Variants in DGCR2 observed in about 807,000 individuals in gnomAD.
DGCR2 encodes the protein DiGeorge syndrome critical region gene 2, also known as integral membrane protein DGCR2/IDD.
In DGCR2, 24 loss-of-function variants were observed where a neutral mutation model predicts 51.6. That is an observed-to-expected ratio of 0.47 (90% CI 0.34 to 0.65). The LOEUF (loss-of-function observed/expected upper bound fraction) is 0.65. Ranked by LOEUF, DGCR2 falls within the 30% of genes least tolerant of loss-of-function variation. DGCR2 has a pLI of 0.01. For synonymous variants in DGCR2, 340 were observed against 315.4 expected, an observed-to-expected ratio of 1.08 and a Z score of -0.82; for missense variants, 765 against 772.1, an observed-to-expected ratio of 0.99 and a Z score of 0.11.
At chr22:19,120,626 G>C (rs1254651926) in intron 1 of DGCR2, among the ~76,000 whole-genome samples, 1 of 152,136 alleles carries the variant, frequency 6.6e-6, no homozygotes, top group East Asian at 1.9e-4. Flanking sequence ...GCTGGGCCTG[G>C]AACCAGAGGC....
chr22:19,062,776 C>CTGTCTCTGTCTCTCTGTCTCTCTCTCTG (rs1555903878), intron 5 of DGCR2, among the ~76,000 whole-genome samples: 6 of 123,202 alleles, frequency 4.9e-5, no homozygotes, highest in Non-Finnish European at 8.7e-5. Flanking sequence ...CACATGCATG[C>CTGTCTCTGTCTCTCTGTCTCTCTCTCTG]TCACTCTCTC....
intron 1 of DGCR2, among the ~76,000 whole-genome samples, chr22:19,113,400 A>G (rs2083338609): frequency 6.6e-6 from 1 of 151,924 alleles, no homozygotes; most frequent in Non-Finnish European, 1.5e-5. Flanking sequence ...AAAAAATAAC[A>G]GTATGAACTT....
In DGCR2 at chr22:19,041,152, C is replaced by T. The variant is rs201665590; in HGVS notation, c.1302G>A (p.Thr434=). The stretch of plus-strand genomic sequence containing the variant: ...GGCCGATGTCCGGGTACTTGTATGC[C>T]GTGTAGGGAGGTGGAGGGTCGTGGA... ...FHFHDPPPPY[T]AYKYPDIGQP... is the part of the protein sequence containing the mutation. The change falls in exon 9 of 10, where the codon ACG becomes ACA. Residue 434 remains threonine (T), a synonymous_variant. Coordinates refer to ENST00000263196, the MANE Select transcript of DGCR2 (RefSeq NM_005137.3). 57 of 1,614,028 alleles carry T rather than the reference C, an allele frequency of 3.5e-5. No homozygotes were observed. Among genetic ancestry groups the T allele is most frequent in the Non-Finnish European group, 4.5e-5 (53 of 1,179,962 alleles).
At chr22:19,067,554 G>A (rs900453382) in intron 3 of DGCR2, among the ~76,000 whole-genome samples, 21 of 151,986 alleles carry the variant, frequency 1.4e-4, no homozygotes, top group African/African-American at 3.6e-4. Flanking sequence ...TTAGCCGGGC[G>A]TGATGGCACG....
intron 6 of DGCR2, among the ~76,000 whole-genome samples, chr22:19,050,799 A>T (rs1343675570): frequency 6.6e-6 from 1 of 152,236 alleles, no homozygotes; most frequent in African/African-American, 2.4e-5. Context: ...CCTAGACTTA[A>T]ATGTAAAACG....
chr22:19,089,902 G>A (rs530991038), intron 1 of DGCR2, among the ~76,000 whole-genome samples: 2 of 152,280 alleles, frequency 1.3e-5, no homozygotes, highest in African/African-American at 4.8e-5. Context: ...TTAAAATCAG[G>A]TTTTATCAGA....
Position 19,063,110 on chromosome 22 carries a change from C to A in DGCR2, c.625+92G>T, listed in dbSNP as rs1180540213. On this transcript the variant is annotated intron_variant, in intron 5 of 9. Coordinates refer to ENST00000263196, the MANE Select transcript of DGCR2 (RefSeq NM_005137.3). ...CTCCCTGCACAGCACCCCTACGGGC[C>A]AGGCAGCACTGGGTAAGAGGGAGGA... 4 of 1,256,402 alleles carry A rather than the reference C, an allele frequency of 3.2e-6. 1 individual carries two copies. The highest frequency in any genetic ancestry group is 4.6e-6 in the Non-Finnish European group (4 of 868,190). 77.8% of individuals were successfully genotyped at this position (1,256,402 alleles called of 1,614,324 possible). A position where few individuals can be genotyped will look rare whatever the true frequency, so the allele number is the denominator to read the frequency against.
chr22:19,099,715 A>G (rs1338328432), intron 1 of DGCR2, among the ~76,000 whole-genome samples: 1 of 150,080 alleles, frequency 6.7e-6, no homozygotes, highest in Non-Finnish European at 1.5e-5. Context: ...TCACGCCTGT[A>G]ATCCCAGCAC....
At chr22:19,058,790 C>T (rs1008166293) in intron 5 of DGCR2, among the ~76,000 whole-genome samples, 19 of 152,182 alleles carry the variant, frequency 1.2e-4, no homozygotes, top group Non-Finnish European at 1.9e-4. Context: ...CTGCCTGGAC[C>T]GGGGCACAGC....
At chr22:19,068,924 ACT>A (rs768506691) in intron 2 of DGCR2, among the ~76,000 whole-genome samples, 2 of 151,944 alleles carry the variant, frequency 1.3e-5, no homozygotes, top group Non-Finnish European at 2.9e-5. Flanking sequence ...CCACCCACAC[ACT>A]CTCTTTTGTC....
intron 1 of DGCR2, among the ~76,000 whole-genome samples, chr22:19,101,693 G>T (rs886766656): frequency 2.2e-5 from 3 of 137,382 alleles, no homozygotes. Context: ...GTGAGCCAAG[G>T]TCACGCCATT....
intron 4 of DGCR2, 33 bp downstream of exon 4, chr22:19,064,815 T>G: frequency 6.3e-7 from 1 of 1,598,200 alleles, no homozygotes; most frequent in South Asian, 1.1e-5. Context: ...AGACTCTGAC[T>G]CCAGCCCCTC....
intron 1 of DGCR2, among the ~76,000 whole-genome samples, chr22:19,103,718 G>T (rs1204466471): frequency 7.4e-6 from 1 of 136,054 alleles, no homozygotes; most frequent in Non-Finnish European, 1.5e-5. Flanking sequence ...GTGAGCCACC[G>T]TGCCCGGCCA....
intron 1 of DGCR2, among the ~76,000 whole-genome samples, chr22:19,101,809 C>T (rs988649745): frequency 6.7e-6 from 1 of 149,720 alleles, no homozygotes; most frequent in African/African-American, 2.5e-5. Context: ...AATCCTAGAA[C>T]TTTGGGAGGC....
At chr22:19,062,779 A>ATTCTCT in intron 5 of DGCR2, among the ~76,000 whole-genome samples, 2 of 127,354 alleles carry the variant, frequency 1.6e-5, no homozygotes, top group Admixed American at 7.8e-5. Flanking sequence ...ATGCATGCTC[A>ATTCTCT]CTCTCTCTCT....
In DGCR2 at chr22:19,040,481, CAG is replaced by C. The variant is rs567233020; in HGVS notation, c.1396+575_1396+576del. On this transcript the variant is annotated intron_variant, in intron 9 of 9. Coordinates refer to ENST00000263196, the MANE Select transcript of DGCR2 (RefSeq NM_005137.3). ...GGACACCTGCACTGCTCAACAGAGA[CAG>C]AGACAGGCCAGGGGTCAGGGGCCTG... Among the ~76,000 whole-genome samples the C allele has an allele frequency of 5.9e-5, 9 of 152,328 alleles. No individual in the cohort carries two copies. The South Asian group carries it at 1.9e-3, about 32-fold the overall frequency.
At chr22:19,077,108 T>C (rs2082886652) in intron 2 of DGCR2, among the ~76,000 whole-genome samples, 1 of 152,210 alleles carries the variant, frequency 6.6e-6, no homozygotes, top group Non-Finnish European at 1.5e-5. Flanking sequence ...CCTTACCAGA[T>C]ATGAGTTTCA....
chr22:19,072,890 A>T (rs7291822), intron 2 of DGCR2, among the ~76,000 whole-genome samples: 21,182 of 151,404 alleles, frequency 0.14, 1,882 homozygotes, highest in South Asian at 0.28. Flanking sequence ...AATAAATAAA[A>T]TTTTTTTTTA....
chr22:19,054,690 C>T (rs961041364), intron 6 of DGCR2, among the ~76,000 whole-genome samples: 2 of 151,498 alleles, frequency 1.3e-5, no homozygotes, highest in African/African-American at 4.9e-5. Flanking sequence ...ATGATCGTGC[C>T]TGTGATTAGC....
Sources: gnomAD v4.1 joint callset for allele counts (sites outside exome capture counted in the v4.1 genomes callset) on GRCh38, gnomAD v4.1.1 for gene constraint, MANE v1.5 for transcripts, NCBI Gene and HGNC (gene_info 2026-07-23, HGNC 2026-07-21) for gene names.